The following CACNA1B variants were observed in gnomAD, a reference collection of about 807,000 sequenced individuals.
CACNA1B encodes the protein calcium voltage-gated channel subunit alpha1 B.
CACNA1B carries 70 observed loss-of-function variants against 247.2 expected under a neutral mutation model. The observed-to-expected ratio is 0.28, with a 90% confidence interval of 0.23 to 0.35. The LOEUF (loss-of-function observed/expected upper bound fraction) is 0.35. CACNA1B is among the 10% of genes least tolerant of loss of function. The probability of loss-of-function intolerance (pLI) is 1.00; values close to 1 mark genes in which losing one functional copy is unlikely to be tolerated. For missense variants in CACNA1B, 2,367 were observed against 3,197.4 expected, an observed-to-expected ratio of 0.74 and a Z score of 6.26; for synonymous variants, 1,231 against 1,294.4, an observed-to-expected ratio of 0.95 and a Z score of 1.05.
In CACNA1B at chr9:138,002,104, C is replaced by T. The variant is rs553142488; in HGVS notation, c.1975-4663C>T. ...ACAATTCAGGAAGAAGAAATTTGTCCTACCATATATCATGACTTTTTATAA... is the reference window on the plus strand; with the variant it reads ...ACAATTCAGGAAGAAGAAATTTGTCTTACCATATATCATGACTTTTTATAA... On this transcript the variant is annotated intron_variant, in intron 15 of 46. Coordinates refer to ENST00000371372, the MANE Select transcript of CACNA1B (RefSeq NM_000718.4). 1.4e-4 allele frequency among the ~76,000 whole-genome samples: 22 copies of T among 152,196 alleles called. No homozygotes were observed. In the South Asian group the frequency reaches 4.1e-3, roughly 29 times the overall value.
At chr9:137,879,256 G>T in intron 2 of CACNA1B, 97 bp downstream of exon 2, 1 of 791,658 alleles carries the variant, frequency 1.3e-6, no homozygotes, top group Non-Finnish European at 2.1e-6. Context: ...CTCGGGCAGG[G>T]TCGTCTGGGC....
rs188241285 is a variant in CACNA1B, at chr9:138,106,773, A to G, written c.5428+966A>G. On this transcript the variant is annotated intron_variant, in intron 39 of 46. Coordinates refer to ENST00000371372, the MANE Select transcript of CACNA1B (RefSeq NM_000718.4). ...GCAAGACTCCGTCTCGAAAACAACC[A>G]AAAAAGTTATCTTCCCCTCTGTCGA... Among the ~76,000 whole-genome samples, 625 of 152,282 alleles carry G rather than the reference A, an allele frequency of 4.1e-3. 19 individuals carry two copies. Among genetic ancestry groups the G allele is most frequent in the Non-Finnish European group, 6.3e-4 (43 of 68,012 alleles).
At chr9:138,013,058 TTA>T in intron 17 of CACNA1B, 69 bp from the exon 18 acceptor site, 1 of 1,102,222 alleles carries the variant, frequency 9.1e-7, no homozygotes. Flanking sequence ...AGAGCTGATG[TTA>T]TATATAGCCA....
intron 16 of CACNA1B, among the ~76,000 whole-genome samples, chr9:138,008,671 G>A (rs922362308): frequency 7.9e-5 from 12 of 152,258 alleles, no homozygotes; most frequent in Admixed American, 7.8e-4. Context: ...ACCACAGGGA[G>A]AGTGGCTGTA....
chr9:137,914,671 A>C lies in CACNA1B; in HGVS notation c.640A>C (p.Lys214Gln). The C allele has an allele frequency of 5.0e-6, 8 of 1,613,864 alleles. No individual in the cohort carries two copies. The highest frequency in any genetic ancestry group is 6.8e-6 in the Non-Finnish European group (8 of 1,179,828). Residue 214 changes from lysine to glutamine, a missense_variant, in exon 5 of 47, where the codon AAG (lysine) becomes CAG (glutamine). Coordinates refer to ENST00000371372, the MANE Select transcript of CACNA1B (RefSeq NM_000718.4). The surrounding 1 kb of genome is among the most constrained non-coding windows in gnomAD (Gnocchi z 4.3). ...SGIPSLQVVLKSIMKAMVPLL... is the reference protein window; with the variant it reads ...SGIPSLQVVLQSIMKAMVPLL... ...GGCCCCAGGTTTGCAGGTGGTGCTC[A>C]AGTCCATCATGAAGGCCATGGTTCC...
intron 20 of CACNA1B, among the ~76,000 whole-genome samples, chr9:138,041,466 A>C (rs1959121263): frequency 6.6e-6 from 1 of 152,086 alleles, no homozygotes; most frequent in African/African-American, 2.4e-5. Flanking sequence ...TAATTTTTTT[A>C]ACTATTAAGT....
chr9:138,070,680 C>G (rs1178315542), intron 32 of CACNA1B, among the ~76,000 whole-genome samples: 1 of 152,202 alleles, frequency 6.6e-6, no homozygotes, highest in Non-Finnish European at 1.5e-5. Flanking sequence ...GCAGAAACAC[C>G]CAGGCAATGT....
At chr9:138,092,423 GA>G (rs1960909375) in intron 36 of CACNA1B, among the ~76,000 whole-genome samples, 1 of 152,220 alleles carries the variant, frequency 6.6e-6, no homozygotes, top group Non-Finnish European at 1.5e-5. Context: ...CTTTCTGCAA[GA>G]AGAGAAATAT....
rs1961279726 is a variant in CACNA1B at position 138,102,379 on chromosome 9, A to G, written c.5223-332A>G. On this transcript the variant is annotated intron_variant, in intron 37 of 46. Coordinates refer to ENST00000371372, the MANE Select transcript of CACNA1B (RefSeq NM_000718.4). The surrounding 1 kb of genome is among the most constrained non-coding windows in gnomAD (Gnocchi z 5.4). ...TTTTAAAAGAGTAAAATCAGAAATT[A>G]TCAACCCAAAGCCGCCCCGATGCAG... is the stretch of plus-strand genomic sequence containing the variant. 6.6e-6 allele frequency among the ~76,000 whole-genome samples: 1 copy of G among 152,026 alleles called. No individual in the cohort carries two copies. The highest frequency in any genetic ancestry group is 2.1e-4 in the South Asian group (1 of 4,810).
chr9:137,884,967 C>A (rs1443282674), intron 3 of CACNA1B, among the ~76,000 whole-genome samples: 40 of 84,850 alleles, frequency 4.7e-4, no homozygotes, highest in African/African-American at 8.6e-4. Context: ...TCCCCCCCCC[C>A]CTCCTCCCAC....
intron 20 of CACNA1B, among the ~76,000 whole-genome samples, chr9:138,026,331 C>G (rs1958920683): frequency 6.6e-6 from 1 of 152,170 alleles, no homozygotes; most frequent in Non-Finnish European, 1.5e-5. Flanking sequence ...GCCCAGCTCC[C>G]TCACCTGATT....
intron 6 of CACNA1B, among the ~76,000 whole-genome samples, chr9:137,918,020 C>A (rs913416187): frequency 6.6e-6 from 1 of 152,246 alleles, no homozygotes; most frequent in African/African-American, 2.4e-5. Flanking sequence ...CCGAGGCCCC[C>A]AAGACCTTCC....
At chr9:138,069,100 G>C (rs1960032119) in intron 31 of CACNA1B, among the ~76,000 whole-genome samples, 1 of 152,226 alleles carries the variant, frequency 6.6e-6, no homozygotes, top group Non-Finnish European at 1.5e-5. Flanking sequence ...TGGAGCCCAG[G>C]TCATCTCCTG....
chr9:137,922,918 G>A (rs987898753), intron 6 of CACNA1B, among the ~76,000 whole-genome samples: 6 of 152,110 alleles, frequency 3.9e-5, no homozygotes, highest in African/African-American at 1.2e-4. Flanking sequence ...CCCTTTTGTG[G>A]TCACACCCGC....
Position 138,057,079 on chromosome 9 carries a change from G to T in CACNA1B, c.3969-653G>T, listed in dbSNP as rs182950185. On this transcript the variant is annotated intron_variant, in intron 26 of 46. Coordinates refer to ENST00000371372, the MANE Select transcript of CACNA1B (RefSeq NM_000718.4). This position sits in a 1 kb window ranked among gnomAD's most constrained non-coding sequence, Gnocchi z 4.0. ...GCCTCCCGAGTAGCTGGGACTATAG[G>T]CGCCCGCCACCACGCCCGGCTAATT... Among the ~76,000 whole-genome samples, 66 of 151,988 alleles carry T rather than the reference G, an allele frequency of 4.3e-4. No homozygotes were observed. The highest frequency in any genetic ancestry group is 1.5e-3 in the African/African-American group (63 of 41,466).
intron 21 of CACNA1B, among the ~76,000 whole-genome samples, chr9:138,045,206 G>A (rs866784473): frequency 1.3e-5 from 2 of 152,348 alleles, no homozygotes; most frequent in Middle Eastern, 6.8e-3. Context: ...GAACACAAAA[G>A]GGTAGGCAGA....
chr9:138,069,787 T>A, intron 32 of CACNA1B, 24 bp downstream of exon 32: 1 of 1,605,120 alleles, frequency 6.2e-7, no homozygotes, highest in Non-Finnish European at 8.5e-7. Flanking sequence ...CTCTGAACGG[T>A]TCTTGCAAGT....
At chr9:137,909,148 G>A (rs1362423158) in intron 3 of CACNA1B, among the ~76,000 whole-genome samples, 4 of 151,712 alleles carry the variant, frequency 2.6e-5, no homozygotes, top group African/African-American at 7.3e-5. Context: ...GCACCACCAC[G>A]CCTGGCTAAT....
At chr9:137,893,650 CAAA>C (rs530059391) in intron 3 of CACNA1B, among the ~76,000 whole-genome samples, 1 of 91,792 alleles carries the variant, frequency 1.1e-5, no homozygotes, top group African/African-American at 4.2e-5. Context: ...GACTCTGTCT[CAAA>C]AAAAAAAAAA....
Sources: allele counts gnomAD v4.1 joint callset (sites outside exome capture counted in the v4.1 genomes callset), GRCh38; gene constraint gnomAD v4.1.1; non-coding constraint Gnocchi (gnomAD v3.1); transcripts MANE v1.5; gene names NCBI Gene and HGNC (gene_info 2026-07-23, HGNC 2026-07-21).